Variants in NCOR1 observed in about 807,000 individuals in gnomAD.
NCOR1 encodes the protein protein phosphatase 1, regulatory subunit 109.
In NCOR1, 63 loss-of-function variants were observed where a neutral mutation model predicts 288.1. The observed-to-expected ratio is 0.22, with a 90% CI of 0.18 to 0.27. The LOEUF is 0.27. Ranked by LOEUF, NCOR1 falls within the 10% of genes least tolerant of loss-of-function variation. NCOR1 has a pLI of 1.00. For missense variants in NCOR1, 2,397 were observed against 3,019.2 expected (o/e 0.79, Z 4.83); for synonymous variants, 1,007 against 1,065.9 (o/e 0.94, Z 1.08).
At chr17:16,092,432 G>A (rs201930718) in intron 21 of NCOR1, among the ~76,000 whole-genome samples, 2 of 151,610 alleles carry the variant, frequency 1.3e-5, no homozygotes, top group African/African-American at 4.9e-5. Context: ...GGTTGCAGTG[G>A]GCTGAGATTG....
intron 22 of NCOR1, among the ~76,000 whole-genome samples, chr17:16,087,717 T>A (rs56733317): frequency 0.069 from 10,449 of 152,268 alleles, 571 homozygotes; most frequent in African/African-American, 0.16. Flanking sequence ...ACAAGTCTTA[T>A]AATTAGCCTG....
intron 42 of NCOR1, chr17:16,044,571 CG>C: frequency 1.9e-6 from 1 of 520,364 alleles, no homozygotes; most frequent in South Asian, 1.5e-5. Flanking sequence ...TCACTTCATC[CG>C]GCAACTACCA....
intron 1 of NCOR1, among the ~76,000 whole-genome samples, chr17:16,205,010 C>T (rs772733365): frequency 3.3e-5 from 5 of 152,140 alleles, no homozygotes; most frequent in South Asian, 2.1e-4. Flanking sequence ...CACCTGAAGT[C>T]GGGAGTTTCA....
intron 14 of NCOR1, among the ~76,000 whole-genome samples, chr17:16,127,589 A>G (rs1298263534): frequency 6.9e-6 from 1 of 144,940 alleles, no homozygotes; most frequent in Non-Finnish European, 1.5e-5. Context: ...ATATGTGTAT[A>G]TATGTATGTA....
rs1350666445 is a variant in NCOR1, at chr17:16,137,408, A to C, written c.1412T>G (p.Val471Gly). The C allele has an allele frequency of 6.6e-7, 1 of 1,504,238 alleles. No homozygotes were observed. Among genetic ancestry groups the C allele is most frequent in the Non-Finnish European group, 9.1e-7 (1 of 1,100,374 alleles). The allele number at this position is 1,504,238 out of a possible 1,614,324, so 93.2% of individuals were successfully genotyped here. A position where few individuals can be genotyped will look rare whatever the true frequency, so the allele number is the denominator to read the frequency against. The change falls in exon 14 of 46, where the codon GTT becomes GGT. Residue 471 changes from valine (V) to glycine (G), a missense_variant. Physicochemically the swap from Val to Gly is moderately radical, Grantham distance 109. Coordinates refer to ENST00000268712, the MANE Select transcript of NCOR1 (RefSeq NM_006311.4). ...LIASYLERKS[V>G]PDCVLYYYLT... is the part of the protein sequence containing the mutation. ...ATAGTAATACAAAACACAATCAGGA[A>C]CACTCTGTAAGAAATAAAACAATTA...
chr17:16,068,480 G>A, intron 31 of NCOR1: 1 of 230,272 alleles, frequency 4.3e-6, no homozygotes, highest in South Asian at 5.4e-5. Context: ...CCCACATGTA[G>A]TAAACTTCAG....
chr17:16,054,069 G>GTA lies in NCOR1; in HGVS notation c.6392+3443_6392+3444dup, dbSNP rs1555563470. ...CTCAAGATGGATTAAAGACTTAAAT[G>GTA]TAAAAAAAAAAAAAAAAAAAAAAAC... On this transcript the variant is annotated intron_variant, in intron 40 of 45. Coordinates refer to ENST00000268712, the MANE Select transcript of NCOR1 (RefSeq NM_006311.4). Among the ~76,000 whole-genome samples the GTA allele has an allele frequency of 6.8e-5, 5 of 73,128 alleles. No individual in the cohort carries two copies. In the Admixed American group the frequency reaches 7.3e-4, roughly 11 times the overall value. The allele number at this position is 73,128 out of a possible 152,430, so 48.0% of individuals were successfully genotyped here. A position where few individuals can be genotyped will look rare whatever the true frequency, so the allele number is the denominator to read the frequency against.
At chr17:16,052,356 A>G (rs1023910289) in intron 40 of NCOR1, among the ~76,000 whole-genome samples, 4 of 152,052 alleles carry the variant, frequency 2.6e-5, no homozygotes, top group Non-Finnish European at 5.9e-5. Flanking sequence ...AATTAATAAA[A>G]CAGACTGCTA....
At chr17:16,064,233 C>CT (rs764436985) in intron 34 of NCOR1, 46 bp from the exon 35 acceptor site, 11 of 1,572,388 alleles carry the variant, frequency 7.0e-6, no homozygotes, top group South Asian at 2.3e-5. Context: ...TATCAACTGA[C>CT]TGAGTATATC....
rs865796784 is a variant in NCOR1 at position 16,095,429 on chromosome 17, C to T, written c.2820+2938G>A. 1.9e-4 allele frequency among the ~76,000 whole-genome samples: 28 copies of T among 149,724 alleles called. No homozygotes were observed. In the Middle Eastern group the frequency reaches 0.011, roughly 57 times the overall value. ...CCCCCGCCAGGCCAGCCGCCCCATC[C>T]GGGAGGGAGGTGGGGGGTCAGCCCC... On this transcript the variant is annotated intron_variant, in intron 21 of 45. Coordinates refer to ENST00000268712, the MANE Select transcript of NCOR1 (RefSeq NM_006311.4).
At chr17:16,097,483 A>G (rs966606997) in intron 21 of NCOR1, among the ~76,000 whole-genome samples, 6 of 152,208 alleles carry the variant, frequency 3.9e-5, no homozygotes, top group African/African-American at 1.4e-4. Context: ...CCAATGGCCA[A>G]TGATTTAATC....
intron 44 of NCOR1, among the ~76,000 whole-genome samples, chr17:16,038,126 G>A (rs2056798924): frequency 6.6e-6 from 1 of 151,956 alleles, no homozygotes; most frequent in African/African-American, 2.4e-5. Context: ...TAGTGAGATA[G>A]ATCTTTTGCT....
At chr17:16,032,734 A>G (rs369942036) in intron 45 of NCOR1, among the ~76,000 whole-genome samples, 1 of 152,252 alleles carries the variant, frequency 6.6e-6, no homozygotes, top group African/African-American at 2.4e-5. Context: ...TGCTGAGCCC[A>G]GAAGAGAAAG....
At chr17:16,186,736 C>T (rs2086744076) in intron 2 of NCOR1, 49 bp from the exon 3 acceptor site, 2 of 1,571,716 alleles carry the variant, frequency 1.3e-6, no homozygotes, top group South Asian at 1.1e-5. Flanking sequence ...AACTGAACAA[C>T]ATCATGAAAT....
At chr17:16,192,133 A>T (rs1209072858) in intron 2 of NCOR1, 2 of 151,718 alleles carry the variant, frequency 1.3e-5, no homozygotes, top group East Asian at 3.9e-4. Context: ...TAGGCAACAT[A>T]GCAAGGCACC....
intron 19 of NCOR1, among the ~76,000 whole-genome samples, chr17:16,103,195 A>C (rs943346879): frequency 2.6e-4 from 40 of 152,332 alleles, no homozygotes; most frequent in Non-Finnish European, 4.7e-4. Flanking sequence ...AGGGTTTACT[A>C]TCCAATTAAA....
chr17:16,125,054 T>C (rs945117079), intron 15 of NCOR1, among the ~76,000 whole-genome samples: 10 of 152,262 alleles, frequency 6.6e-5, no homozygotes, highest in African/African-American at 2.2e-4. Flanking sequence ...AACTTAATCA[T>C]GTAACTATTA....
At chr17:16,156,055 G>T (rs2079720074) in intron 6 of NCOR1, among the ~76,000 whole-genome samples, 1 of 152,194 alleles carries the variant, frequency 6.6e-6, no homozygotes, top group African/African-American at 2.4e-5. Flanking sequence ...TACTTTGGGA[G>T]ACTGAGGCAG....
Position 16,068,205 on chromosome 17 carries a change from A to T in NCOR1, c.4514-84T>A, listed in dbSNP as rs536964440. On this transcript the variant is annotated intron_variant, in intron 31 of 45. Transcript: ENST00000268712. ...TGTCCATTTCTCAACCATTCAAATA[A>T]AGACTATATTCATGTATTTGGATCT... is the stretch of plus-strand genomic sequence containing the variant. 9 of 1,102,708 alleles carry T rather than the reference A, an allele frequency of 8.2e-6. No homozygotes were observed. In the East Asian group the frequency reaches 2.1e-4, roughly 25 times the overall value. 68.3% of individuals were successfully genotyped at this position (1,102,708 alleles called of 1,614,324 possible). A position where few individuals can be genotyped will look rare whatever the true frequency, so the allele number is the denominator to read the frequency against.
Sources: gnomAD v4.1 joint callset for allele counts (sites outside exome capture counted in the v4.1 genomes callset) on GRCh38, gnomAD v4.1.1 for gene constraint, MANE v1.5 for transcripts, NCBI Gene and HGNC (gene_info 2026-07-23, HGNC 2026-07-21) for gene names.